DHX57: variants seen among roughly 807,000 people sequenced by gnomAD.
DHX57 encodes the protein putative ATP-dependent RNA helicase DHX57.
In DHX57, 105 loss-of-function variants were observed where a neutral mutation model predicts 156.2. That is an observed-to-expected ratio of 0.67 (90% CI 0.57 to 0.79). The LOEUF is 0.79. DHX57 is among the 30% of genes least tolerant of loss of function. The pLI is 0.00. For synonymous variants in DHX57, 704 were observed against 595.6 expected, an observed-to-expected ratio of 1.18 and a Z score of -2.65; for missense variants, 1,847 against 1,661.9, an observed-to-expected ratio of 1.11 and a Z score of -1.94.
chr2:38,848,795 T>TA (rs1005094692), intron 9 of DHX57, among the ~76,000 whole-genome samples: 47 of 152,216 alleles, frequency 3.1e-4, no homozygotes, highest in Admixed American at 9.8e-4. Context: ...ATAAAGTTGG[T>TA]ATACATTGAA....
At chr2:38,839,222 G>A (rs1008860338) in intron 12 of DHX57, among the ~76,000 whole-genome samples, 1 of 150,662 alleles carries the variant, frequency 6.6e-6, no homozygotes, top group Non-Finnish European at 1.5e-5. Flanking sequence ...GAGCCACCGC[G>A]CCCGGCCACC....
Position 38,825,869 on chromosome 2 carries a change from G to C in DHX57, c.2992C>G (p.Pro998Ala). ...CACCTTAGACACAGCTGTTCCAATGGCACTCTTTGTATTTCTGGTAGCTGT... is the reference window on the plus strand; with the variant it reads ...CACCTTAGACACAGCTGTTCCAATGCCACTCTTTGTATTTCTGGTAGCTGT... Reference protein sequence around the residue: ...KQQLPEIQRVPLEQLCLRIKI... With the variant: ...KQQLPEIQRVALEQLCLRIKI... Residue 998 changes from proline (P) to alanine (A), a missense_variant, in exon 16 of 24, where the codon CCA becomes GCA. Transcript: ENST00000457308. 6.2e-7 allele frequency: 1 copy of C among 1,614,104 alleles called. No individual in the cohort carries two copies. The highest frequency in any genetic ancestry group is 2.2e-5 in the East Asian group (1 of 44,876).
At chr2:38,860,428 G>T (rs1049428182) in intron 5 of DHX57, among the ~76,000 whole-genome samples, 1 of 152,066 alleles carries the variant, frequency 6.6e-6, no homozygotes, top group African/African-American at 2.4e-5. Context: ...CAGCTTGGGG[G>T]ACAAGAGTGA....
At chr2:38,859,297 T>C (rs1181350978) in intron 5 of DHX57, among the ~76,000 whole-genome samples, 1 of 152,186 alleles carries the variant, frequency 6.6e-6, no homozygotes, top group African/African-American at 2.4e-5. Context: ...TATTGTGTAA[T>C]TCCATTTCTA....
intron 21 of DHX57, 106 bp downstream of exon 21, chr2:38,813,715 A>G (rs1404228270): frequency 1.5e-6 from 2 of 1,316,736 alleles, no homozygotes; most frequent in Non-Finnish European, 2.2e-6. Flanking sequence ...GTGTGCACAC[A>G]TGCGTATATA....
chr2:38,818,460 G>A (rs1670653481), intron 19 of DHX57, among the ~76,000 whole-genome samples: 1 of 152,140 alleles, frequency 6.6e-6, no homozygotes, highest in East Asian at 1.9e-4. Context: ...CTGGGAGGCG[G>A]AGGATGCAAG....
intron 20 of DHX57, among the ~76,000 whole-genome samples, chr2:38,814,217 C>T (rs4670897): frequency 0.55 from 83,505 of 152,048 alleles, 24,594 homozygotes; most frequent in East Asian, 0.81. Context: ...AGATTACAGG[C>T]GTGAGCCACT....
At chr2:38,838,565 A>C (rs559406725) in intron 12 of DHX57, among the ~76,000 whole-genome samples, 3 of 152,332 alleles carry the variant, frequency 2.0e-5, no homozygotes, top group Admixed American at 2.0e-4. Context: ...TTGAAAGCTT[A>C]AGTTCTGGAA....
rs74473914 is a variant in DHX57 at position 38,857,469 on chromosome 2, T to C, written c.1588-1008A>G. ...TACATATAATTTTATCATAAACTTA[T>C]CACACTGATCAAATTGAATATCTAA... On this transcript the variant is annotated intron_variant, in intron 6 of 23. Transcript: ENST00000457308. 3.3e-3 allele frequency among the ~76,000 whole-genome samples: 500 copies of C among 152,332 alleles called. 5 individuals carry two copies. The highest frequency in any genetic ancestry group is 0.011 in the African/African-American group (459 of 41,574).
At chr2:38,813,374 A>G (rs1670368020) in intron 21 of DHX57, among the ~76,000 whole-genome samples, 1 of 151,554 alleles carries the variant, frequency 6.6e-6, no homozygotes, top group African/African-American at 2.4e-5. Flanking sequence ...AATGTATACT[A>G]AGTTTTTTTT....
chr2:38,798,261 G>A lies in DHX57; in HGVS notation c.*38C>T. The stretch of plus-strand genomic sequence containing the variant: ...CTGCTGTTATTTCCCAGGTGAGCTA[G>A]AAGCAGGTGAGTAGCAAGCACTCTC... On this transcript the variant is annotated 3_prime_UTR_variant, in exon 24 of 24. Coordinates refer to ENST00000457308, the MANE Select transcript of DHX57 (RefSeq NM_198963.3). The A allele has an allele frequency of 6.3e-7, 1 of 1,584,948 alleles. No homozygotes were observed. Among genetic ancestry groups the A allele is most frequent in the South Asian group, 1.2e-5 (1 of 86,328 alleles).
At position 38,868,105 on chromosome 2, in the gene DHX57, T is replaced by A. The variant is rs144989284; in HGVS notation, c.224+77A>T. 6.6e-4 allele frequency: 1,023 copies of A among 1,544,696 alleles called. 18 individuals are homozygous for A. In the East Asian group the frequency reaches 0.023, roughly 35 times the overall value. ...CCAGAATTACTCGACTTTTTTTCCA[T>A]TCTCAGCCATCTGTTGTCCCATACA... On this transcript the variant is annotated intron_variant, in intron 2 of 23. Transcript: ENST00000457308.
At chr2:38,871,284 A>T (rs949682557) in intron 1 of DHX57, among the ~76,000 whole-genome samples, 1 of 152,228 alleles carries the variant, frequency 6.6e-6, no homozygotes, top group Non-Finnish European at 1.5e-5. Flanking sequence ...ACAAGAAGGT[A>T]ATATGTATGT....
At chr2:38,828,738 GA>G (rs1406549133) in intron 13 of DHX57, among the ~76,000 whole-genome samples, 2 of 149,156 alleles carry the variant, frequency 1.3e-5, no homozygotes, top group Non-Finnish European at 3.0e-5. Context: ...AAAAAAAAAA[GA>G]GAAATTTTCA....
chr2:38,837,611 C>CAAA (rs55733950), intron 13 of DHX57, among the ~76,000 whole-genome samples: 8 of 50,354 alleles, frequency 1.6e-4, no homozygotes, highest in Admixed American at 3.8e-4. Context: ...AACCCCGTCT[C>CAAA]AAAAAAAAAA....
At chr2:38,827,223 T>C (rs1323719485) in intron 14 of DHX57, among the ~76,000 whole-genome samples, 3 of 151,794 alleles carry the variant, frequency 2.0e-5, no homozygotes, top group Non-Finnish European at 4.4e-5. Flanking sequence ...AAAAACCTCA[T>C]ACCAACTTGG....
intron 1 of DHX57, among the ~76,000 whole-genome samples, chr2:38,874,743 G>A (rs2060743): frequency 0.59 from 88,958 of 151,918 alleles, 27,372 homozygotes; most frequent in East Asian, 0.81. Context: ...GTTGGGTTGG[G>A]AAAAATCCAC....
At chr2:38,846,920 A>G in intron 11 of DHX57, 99 bp downstream of exon 11, 3 of 984,268 alleles carry the variant, frequency 3.0e-6, no homozygotes, top group Non-Finnish European at 4.6e-6. Flanking sequence ...AACTGGCCCC[A>G]AAAGATCCTC....
chr2:38,812,934 G>A (rs1455396284), intron 21 of DHX57, among the ~76,000 whole-genome samples: 2 of 150,762 alleles, frequency 1.3e-5, no homozygotes, highest in Non-Finnish European at 2.9e-5. Context: ...TGCAACCTCC[G>A]CCTCCTGAGT....
Sources: allele counts gnomAD v4.1 joint callset (sites outside exome capture counted in the v4.1 genomes callset), GRCh38; gene constraint gnomAD v4.1.1; transcripts MANE v1.5; gene names NCBI Gene and HGNC (gene_info 2026-07-23, HGNC 2026-07-21).